CEP164: variants seen among roughly 807,000 people sequenced by gnomAD.
CEP164 encodes the protein centrosomal protein of 164 kDa.
A neutral mutation model predicts 182.7 loss-of-function variants in CEP164; 162 were observed. The observed-to-expected ratio is 0.89, with a 90% CI of 0.78 to 1.01. The LOEUF is 1.01. Ranked by LOEUF, CEP164 falls within the 50% of genes least tolerant of loss-of-function variation. The probability of loss-of-function intolerance (pLI) is 0.00; values close to 1 mark genes in which losing one functional copy is unlikely to be tolerated. For missense variants in CEP164, 1,735 were observed against 1,790.4 expected (o/e 0.97, Z 0.56); for synonymous variants, 661 against 690.0 (o/e 0.96, Z 0.66).
intron 10 of CEP164, 56 bp from the exon 11 acceptor site, chr11:117,375,652 G>A (rs768448949): frequency 6.1e-6 from 9 of 1,475,934 alleles, no homozygotes; most frequent in African/African-American, 2.8e-5. Flanking sequence ...AAGAGGCCTG[G>A]TGGGTGTTGA....
At position 117,339,406 on chromosome 11, in the gene CEP164, G is replaced by GT. The variant is rs1490228111; in HGVS notation, c.82+745dup. Among the ~76,000 whole-genome samples, 9 of 149,456 alleles carry GT rather than the reference G, an allele frequency of 6.0e-5. No homozygotes were observed. The East Asian group carries it at 1.6e-3, about 27-fold the overall frequency. ...TTCCTAAGCACGAACTTAGAGCAGT[G>GT]TTTTTTTAAACAACAATAACATTAT... is the stretch of plus-strand genomic sequence containing the variant. On this transcript the variant is annotated intron_variant, in intron 3 of 32. Coordinates refer to ENST00000278935, the MANE Select transcript of CEP164 (RefSeq NM_014956.5).
At chr11:117,354,132 T>C (rs902623976) in intron 5 of CEP164, among the ~76,000 whole-genome samples, 2 of 151,972 alleles carry the variant, frequency 1.3e-5, no homozygotes, top group East Asian at 3.9e-4. Context: ...TTCTCGTCCC[T>C]CAGCCTTCCG....
chr11:117,405,054 G>T (rs2046523387), intron 27 of CEP164, among the ~76,000 whole-genome samples: 2 of 152,240 alleles, frequency 1.3e-5, no homozygotes, highest in African/African-American at 4.8e-5. Flanking sequence ...TGTGCTAGCA[G>T]CATGAATTTC....
chr11:117,348,260 C>T (rs942832213), intron 4 of CEP164, among the ~76,000 whole-genome samples: 1 of 152,030 alleles, frequency 6.6e-6, no homozygotes, highest in East Asian at 1.9e-4. Flanking sequence ...GCATGAGCCA[C>T]AGCGCCCAGC....
In CEP164 at chr11:117,408,920, C is replaced by T. The variant is rs775815722; in HGVS notation, c.3640C>T (p.Pro1214Ser). 15 of 1,613,958 alleles carry T rather than the reference C, an allele frequency of 9.3e-6. No homozygotes were observed. In the East Asian group the frequency reaches 2.9e-4, roughly 31 times the overall value. Residue 1214 changes from proline to serine, a missense_variant, in exon 29 of 33, where the codon CCC (proline) becomes TCC (serine). Transcript: ENST00000278935. ...AGATGAGGGCACTCTGGGAGGATCC[C>T]CCACCAAGAAGGCAGTAACCTTCGA... The part of the protein sequence containing the change: ...ASDEGTLGGS[P>S]TKKAVTFDLS...
At chr11:117,343,484 T>G (rs1012646147) in intron 3 of CEP164, among the ~76,000 whole-genome samples, 3 of 152,340 alleles carry the variant, frequency 2.0e-5, no homozygotes, top group South Asian at 2.1e-4. Flanking sequence ...TGAGTGCTTT[T>G]GCACCAAGCT....
chr11:117,410,036 C>A, intron 30 of CEP164, 71 bp downstream of exon 30: 1 of 1,370,486 alleles, frequency 7.3e-7, no homozygotes, highest in Non-Finnish European at 1.0e-6. Context: ...TTCTTCTACC[C>A]TCTTTCTCCT....
At chr11:117,376,680 A>G (rs2042777581) in intron 11 of CEP164, among the ~76,000 whole-genome samples, 1 of 152,292 alleles carries the variant, frequency 6.6e-6, no homozygotes, top group South Asian at 2.1e-4. Context: ...GGCCAGTTGC[A>G]TTTGAGCCCA....
chr11:117,392,771 T>G, intron 19 of CEP164, 144 bp downstream of exon 19: 1 of 1,283,752 alleles, frequency 7.8e-7, no homozygotes, highest in East Asian at 2.3e-5. Flanking sequence ...TTTTTATGCC[T>G]TAGTTCCCTT....
rs191704305 is a variant in CEP164 at position 117,338,986 on chromosome 11, T to G, written c.82+318T>G. On this transcript the variant is annotated intron_variant, in intron 3 of 32. Transcript: ENST00000278935. ...GCGTGCACCACCACACCTGGCTAAT[T>G]TTTTGTACTTTTAGTAGAGACGGGT... is the stretch of plus-strand genomic sequence containing the variant. Among the ~76,000 whole-genome samples the G allele has an allele frequency of 1.9e-3, 289 of 152,070 alleles. 3 individuals are homozygous for G. Among genetic ancestry groups the G allele is most frequent in the African/African-American group, 5.7e-3 (238 of 41,466 alleles).
chr11:117,328,973 A>G (rs1411512798), intron 1 of CEP164, among the ~76,000 whole-genome samples: 2 of 152,098 alleles, frequency 1.3e-5, no homozygotes, highest in African/African-American at 4.8e-5. Flanking sequence ...TTCCATCCTC[A>G]CAGACACTGA....
intron 1 of CEP164, among the ~76,000 whole-genome samples, chr11:117,329,839 CT>C (rs61429989): frequency 0.16 from 15,299 of 95,328 alleles, 941 homozygotes; most frequent in Middle Eastern, 0.21. Flanking sequence ...TGCGCCTGGC[CT>C]TTTTTTTTTT....
intron 14 of CEP164, among the ~76,000 whole-genome samples, chr11:117,383,527 GGATT>G (rs1413782557): frequency 1.3e-5 from 2 of 152,164 alleles, no homozygotes; most frequent in Non-Finnish European, 2.9e-5. Context: ...ACAGTATACA[GGATT>G]GATCTTTTGT....
intron 4 of CEP164, among the ~76,000 whole-genome samples, chr11:117,345,091 A>C (rs1387061427): frequency 6.6e-6 from 1 of 152,218 alleles, no homozygotes; most frequent in East Asian, 1.9e-4. Context: ...GAATTGATGT[A>C]ACCTATTCAT....
chr11:117,361,760 T>C, intron 5 of CEP164, 75 bp from the exon 6 acceptor site: 2 of 1,511,642 alleles, frequency 1.3e-6, no homozygotes, highest in East Asian at 2.3e-5. Flanking sequence ...AGATGTTTTA[T>C]TTTTATATCT....
chr11:117,329,590 G>A (rs1470955983), intron 1 of CEP164, among the ~76,000 whole-genome samples: 1 of 152,172 alleles, frequency 6.6e-6, no homozygotes, highest in Non-Finnish European at 1.5e-5. Context: ...CGCCCAGGCT[G>A]GAGTGCAGTG....
intron 2 of CEP164, chr11:117,336,660 G>T (rs756705295): frequency 4.2e-6 from 4 of 963,186 alleles, no homozygotes. Context: ...GCCTTTCCAC[G>T]GCTGCCTGGG....
chr11:117,351,658 T>C (rs910902598), intron 4 of CEP164, 132 bp from the exon 5 acceptor site: 44 of 747,406 alleles, frequency 5.9e-5, no homozygotes, highest in Admixed American at 3.4e-4. Flanking sequence ...CATTCCATCT[T>C]CTCCCTCCCT....
At chr11:117,382,758 A>T (rs777101933) in intron 13 of CEP164, 38 bp from the exon 14 acceptor site, 3 of 1,604,160 alleles carry the variant, frequency 1.9e-6, no homozygotes, top group Non-Finnish European at 2.6e-6. Context: ...TTGCTTTCTT[A>T]CTGGCTTTAA....
Sources: allele counts gnomAD v4.1 joint callset (sites outside exome capture counted in the v4.1 genomes callset), GRCh38; gene constraint gnomAD v4.1.1; transcripts MANE v1.5; gene names NCBI Gene and HGNC (gene_info 2026-07-23, HGNC 2026-07-21).